ZDHHC7: variants seen among roughly 807,000 people sequenced by gnomAD.
ZDHHC7 encodes the protein palmitoyltransferase ZDHHC7.
ZDHHC7 carries 12 observed loss-of-function variants against 34.1 expected under a neutral mutation model. The observed-to-expected ratio is 0.35, with a 90% CI of 0.23 to 0.57. The LOEUF is 0.57. ZDHHC7 is among the 20% of genes least tolerant of loss of function. The probability of loss-of-function intolerance (pLI) is 0.84; values close to 1 mark genes in which losing one functional copy is unlikely to be tolerated. For synonymous variants in ZDHHC7, 185 were observed against 155.4 expected (o/e 1.19, Z -1.42); for missense variants, 388 against 402.7 (o/e 0.96, Z 0.31).
Position 84,990,508 on chromosome 16 carries a change from G to A in ZDHHC7, c.111C>T (p.Asp37=), listed in dbSNP as rs2143641534. The change falls in exon 3 of 8, where the codon GAC becomes GAT. Residue 37 remains aspartate, a synonymous_variant. Coordinates refer to ENST00000313732, the MANE Select transcript of ZDHHC7 (RefSeq NM_017740.3). ...SSSSSEADVA[D]RVWFIRDGCG... ...AGCCGTCACGGATGAACCAGACCCG[G>A]TCAGCCACGTCAGCCTCGGAGGAGG... 1 of 1,614,182 alleles carries A rather than the reference G, an allele frequency of 6.2e-7. No homozygotes were observed. Among genetic ancestry groups the A allele is most frequent in the East Asian group, 2.2e-5 (1 of 44,878 alleles).
chr16:85,011,786 G>A (rs993943677), upstream of ZDHHC7, among the ~76,000 whole-genome samples: 1 of 152,256 alleles, frequency 6.6e-6, no homozygotes, highest in African/African-American at 2.4e-5. Context: ...CTGCGGAACC[G>A]GGTTGGGAAT....
rs1297635906 is a variant in ZDHHC7, at chr16:85,009,705, TTTTC to T, written c.-104+1577_-104+1580del. 2.4e-3 allele frequency among the ~76,000 whole-genome samples: 303 copies of T among 127,886 alleles called. 2 individuals are homozygous for T. Among genetic ancestry groups the T allele is most frequent in the Middle Eastern group, 4.1e-3 (1 of 246 alleles). The allele number at this position is 127,886 out of a possible 152,430, so 83.9% of individuals were successfully genotyped here. ...TTCACTTTAACCAAGTTCTGACTTTTTTTCTTTTTTTTTTTTTTTTTGAGACGGA... is the reference window on the plus strand; with the variant it reads ...TTCACTTTAACCAAGTTCTGACTTTTTTTTTTTTTTTTTTTTTGAGACGGA... On this transcript the variant is annotated intron_variant, in intron 1 of 7. Transcript: ENST00000313732.
intron 3 of ZDHHC7, among the ~76,000 whole-genome samples, chr16:84,986,661 C>T (rs2072440980): frequency 6.6e-6 from 1 of 152,104 alleles, no homozygotes; most frequent in South Asian, 2.1e-4. Flanking sequence ...GGCCTCTGAC[C>T]CCATCTTCCC....
intron 2 of ZDHHC7, among the ~76,000 whole-genome samples, chr16:84,995,350 G>C (rs1377237189): frequency 6.6e-6 from 1 of 152,220 alleles, no homozygotes; most frequent in Non-Finnish European, 1.5e-5. Flanking sequence ...TTCAGGCCGG[G>C]CACAGTGGCT....
At chr16:84,990,669 T>G in intron 2 of ZDHHC7, 34 bp from the exon 3 acceptor site, 5 of 1,556,920 alleles carry the variant, frequency 3.2e-6, no homozygotes, top group Non-Finnish European at 4.4e-6. Context: ...CTGGTAAGGC[T>G]CAAAAAGCTC....
At chr16:85,013,211 T>G (rs759772454), upstream of ZDHHC7, among the ~76,000 whole-genome samples, 46 of 152,250 alleles carry the variant, frequency 3.0e-4, no homozygotes, top group Non-Finnish European at 5.1e-4. Context: ...GTCCTGTCAT[T>G]TCTCTACAAA....
intron 3 of ZDHHC7, among the ~76,000 whole-genome samples, chr16:84,983,828 C>T (rs1180201875): frequency 1.3e-5 from 2 of 151,712 alleles, no homozygotes; most frequent in Non-Finnish European, 2.9e-5. Flanking sequence ...GGCGAAACCC[C>T]ATCTCTACTA....
chr16:84,979,294 G>A lies in ZDHHC7; in HGVS notation c.441-9C>T, dbSNP rs376566087. ...TACATCTTTTGCAAATACTGAAAAG[G>A]AGAGTTTGATTTTTCAGTATTCCAT... On this transcript the variant is annotated splice_polypyrimidine_tract_variant and intron_variant, in intron 4 of 7. Transcript: ENST00000313732. 6.2e-7 allele frequency: 1 copy of A among 1,607,936 alleles called. No individual in the cohort carries two copies. The highest frequency in any genetic ancestry group is 8.5e-7 in the Non-Finnish European group (1 of 1,178,744).
At chr16:85,018,370 T>C in the ZDHHC7 span, among the ~76,000 whole-genome samples, 1 of 152,034 alleles carries the variant, frequency 6.6e-6, no homozygotes, top group Non-Finnish European at 1.5e-5. Context: ...GCTAGTAATA[T>C]TCAATCTCTT....
intron 2 of ZDHHC7, among the ~76,000 whole-genome samples, chr16:84,992,224 C>A (rs2072519655): frequency 6.6e-6 from 1 of 151,986 alleles, no homozygotes; most frequent in South Asian, 2.1e-4. Context: ...AACCCCAGCG[C>A]TTTCAGAGGC....
the ZDHHC7 span, among the ~76,000 whole-genome samples, chr16:85,023,950 C>T: frequency 1.3e-5 from 2 of 152,110 alleles, no homozygotes; most frequent in African/African-American, 4.8e-5. Flanking sequence ...CAGAGTCTCG[C>T]TCTGTCGCCC....
At chr16:84,977,595 G>A (rs1351772325) in intron 6 of ZDHHC7, among the ~76,000 whole-genome samples, 1 of 152,216 alleles carries the variant, frequency 6.6e-6, no homozygotes, top group African/African-American at 2.4e-5. Flanking sequence ...GGATGAGCCT[G>A]TCCAGACCTC....
intron 1 of ZDHHC7, among the ~76,000 whole-genome samples, chr16:85,002,641 C>G (rs2072668065): frequency 6.6e-6 from 1 of 151,838 alleles, no homozygotes; most frequent in Non-Finnish European, 1.5e-5. Context: ...GGGTGGGATC[C>G]TGGGACAGAG....
chr16:84,987,606 C>T (rs1426618249), intron 3 of ZDHHC7, among the ~76,000 whole-genome samples: 1 of 152,028 alleles, frequency 6.6e-6, no homozygotes, highest in Non-Finnish European at 1.5e-5. Context: ...GGTATATACC[C>T]AAGAGGAATG....
At chr16:85,009,955 G>A (rs932627395) in intron 1 of ZDHHC7, among the ~76,000 whole-genome samples, 1 of 151,684 alleles carries the variant, frequency 6.6e-6, no homozygotes, top group African/African-American at 2.4e-5. Context: ...TGATCCGCCC[G>A]CCTCGGCCTC....
intron 7 of ZDHHC7, among the ~76,000 whole-genome samples, chr16:84,976,811 G>A (rs2072304488): frequency 6.6e-6 from 1 of 152,246 alleles, no homozygotes; most frequent in Non-Finnish European, 1.5e-5. Flanking sequence ...CTCCAGGCCT[G>A]CAGAGCCAGG....
At chr16:85,026,745 C>G in the ZDHHC7 span, among the ~76,000 whole-genome samples, 3 of 151,830 alleles carry the variant, frequency 2.0e-5, no homozygotes, top group Admixed American at 2.0e-4. Flanking sequence ...GACATTCAGC[C>G]CTATTTCAGA....
At chr16:85,007,422 C>CA (rs138373927) in intron 1 of ZDHHC7, among the ~76,000 whole-genome samples, 33,103 of 85,040 alleles carry the variant, frequency 0.39, 5,441 homozygotes, top group East Asian at 0.56. Flanking sequence ...TACTCCATCT[C>CA]AAAAAAAAAA....
At chr16:84,992,381 G>A (rs894110220) in intron 2 of ZDHHC7, among the ~76,000 whole-genome samples, 2 of 148,374 alleles carry the variant, frequency 1.3e-5, no homozygotes, top group African/African-American at 2.4e-5. Context: ...GCTGAGGCAG[G>A]AGAACTGCTT....
Sources: gnomAD v4.1 joint callset for allele counts (sites outside exome capture counted in the v4.1 genomes callset) on GRCh38, gnomAD v4.1.1 for gene constraint, MANE v1.5 for transcripts, NCBI Gene and HGNC (gene_info 2026-07-23, HGNC 2026-07-21) for gene names.